Variants in KALRN observed in about 807,000 individuals in gnomAD.
The protein encoded by KALRN is kalirin RhoGEF kinase.
Under a neutral mutation model 353.7 loss-of-function variants are expected in KALRN, and 70 were observed. That is an observed-to-expected ratio of 0.20 (90% CI 0.16 to 0.24). The LOEUF (loss-of-function observed/expected upper bound fraction) is 0.24. Among genes scored for constraint, KALRN ranks in the 10% least tolerant of loss-of-function variants. The pLI is 1.00. For missense variants in KALRN, 2,791 were observed against 3,756.7 expected, an observed-to-expected ratio of 0.74 and a Z score of 6.72; for synonymous variants, 1,391 against 1,434.8, an observed-to-expected ratio of 0.97 and a Z score of 0.69.
At chr3:124,126,882 A>C (rs1411581050) in intron 1 of KALRN, among the ~76,000 whole-genome samples, 1 of 152,174 alleles carries the variant, frequency 6.6e-6, no homozygotes, top group South Asian at 2.1e-4. Flanking sequence ...CCACCCCTCA[A>C]TTATTCCCAT....
At chr3:124,607,974 C>T (rs2077528576) in intron 34 of KALRN, among the ~76,000 whole-genome samples, 1 of 150,848 alleles carries the variant, frequency 6.6e-6, no homozygotes, top group Non-Finnish European at 1.5e-5. Context: ...TAAGCATTTT[C>T]CTTCAGTTTT....
rs1324378976 is a variant in KALRN at position 124,676,846 on chromosome 3, A to G, written c.7194-1344A>G. ...GCTTCTATGGCTGGTTCTCACTTAT[A>G]CAACGGTTGGAGCAAGGTGCTGGTA... On this transcript the variant is annotated intron_variant, in intron 49 of 59. Transcript: ENST00000682506. 2.0e-5 allele frequency among the ~76,000 whole-genome samples: 3 copies of G among 152,166 alleles called. No homozygotes were observed. In the East Asian group the frequency reaches 5.8e-4, roughly 29 times the overall value.
intron 1 of KALRN, among the ~76,000 whole-genome samples, chr3:124,157,211 A>G (rs1050023941): frequency 2.6e-5 from 4 of 152,224 alleles, no homozygotes; most frequent in Non-Finnish European, 4.4e-5. Flanking sequence ...TAGGCCAGCA[A>G]TGTCATTCTA....
At chr3:124,302,262 A>G (rs1304074643) in intron 6 of KALRN, among the ~76,000 whole-genome samples, 1 of 152,252 alleles carries the variant, frequency 6.6e-6, no homozygotes, top group Non-Finnish European at 1.5e-5. Flanking sequence ...ATAGATGTTA[A>G]GTATATAATC....
intron 17 of KALRN, 37 bp downstream of exon 17, chr3:124,434,562 T>C: frequency 1.2e-6 from 2 of 1,600,092 alleles, no homozygotes; most frequent in Non-Finnish European, 1.7e-6. Flanking sequence ...GGGGCTGAGA[T>C]TGCCAGGGGG....
intron 56 of KALRN, 103 bp from the exon 57 acceptor site, chr3:124,701,935 C>T: frequency 1.2e-6 from 1 of 803,676 alleles, no homozygotes; most frequent in South Asian, 1.5e-5. Context: ...CATATTTGGT[C>T]ATGAGAATTG....
intron 21 of KALRN, among the ~76,000 whole-genome samples, chr3:124,454,207 A>T (rs1577062518): frequency 6.6e-6 from 1 of 152,230 alleles, no homozygotes; most frequent in Non-Finnish European, 1.5e-5. Context: ...CATTGTATTT[A>T]TTTAGATCCT....
chr3:124,288,348 G>A (rs2076133733), intron 5 of KALRN, among the ~76,000 whole-genome samples: 2 of 152,192 alleles, frequency 1.3e-5, no homozygotes, highest in African/African-American at 4.8e-5. Context: ...TGAAGGATGG[G>A]AATAATCTGG....
At chr3:124,230,828 A>C (rs1218036931) in intron 2 of KALRN, among the ~76,000 whole-genome samples, 1 of 147,480 alleles carries the variant, frequency 6.8e-6, no homozygotes, top group Non-Finnish European at 1.5e-5. Context: ...AAAAACAAAA[A>C]CAAAACAAAA....
intron 33 of KALRN, among the ~76,000 whole-genome samples, chr3:124,561,890 G>A (rs1454853153): frequency 3.3e-5 from 5 of 152,134 alleles, no homozygotes; most frequent in African/African-American, 9.7e-5. Context: ...ACTAATAACC[G>A]AATGGATTCT....
rs757199913 is a variant in KALRN at position 124,562,918 on chromosome 3, G to A, written c.5011G>A (p.Val1671Met). 7.3e-7 allele frequency: 1 copy of A among 1,367,916 alleles called. No homozygotes were observed. The highest frequency in any genetic ancestry group is 1.9e-5 in the Admixed American group (1 of 52,592). 84.7% of individuals were successfully genotyped at this position (1,367,916 alleles called of 1,614,324 possible). The change falls in exon 34 of 60, where the codon GTG becomes ATG. Residue 1671 changes from valine to methionine, a missense_variant. Transcript: ENST00000682506. ...AGHSSELTIQVGQTVELLERP... is the reference protein window; with the variant it reads ...AGHSSELTIQMGQTVELLERP... Reference sequence around the variant, plus strand: ...CCACAGCAGTGAGCTGACCATCCAGGTGGGGCAGACGGTAGAGCTGCTGGA... The same window carrying A: ...CCACAGCAGTGAGCTGACCATCCAGATGGGGCAGACGGTAGAGCTGCTGGA...
At chr3:124,443,544 C>T (rs1053614351) in intron 19 of KALRN, among the ~76,000 whole-genome samples, 1 of 152,144 alleles carries the variant, frequency 6.6e-6, no homozygotes, top group Admixed American at 6.5e-5. Flanking sequence ...GGTCAGGGGA[C>T]CTGTGGGGAG....
chr3:124,211,250 C>G (rs550071944), intron 1 of KALRN, among the ~76,000 whole-genome samples: 3 of 152,184 alleles, frequency 2.0e-5, no homozygotes, highest in Non-Finnish European at 4.4e-5. Flanking sequence ...ATGTTACTTA[C>G]ATTTTGCAGA....
intron 1 of KALRN, among the ~76,000 whole-genome samples, chr3:124,093,819 G>T (rs1417457702): frequency 6.6e-6 from 1 of 152,210 alleles, no homozygotes; most frequent in African/African-American, 2.4e-5. Context: ...CCTGGATTCT[G>T]TGGCATTTGA....
chr3:124,367,493 A>G (rs1404839067), intron 10 of KALRN, among the ~76,000 whole-genome samples: 59 of 58,274 alleles, frequency 1.0e-3, no homozygotes, highest in African/African-American at 1.6e-3. Context: ...CGGACGGGGC[A>G]GCTGGCCGGG....
intron 53 of KALRN, among the ~76,000 whole-genome samples, chr3:124,695,888 T>G (rs1467386429): frequency 6.6e-6 from 1 of 152,194 alleles, no homozygotes; most frequent in African/African-American, 2.4e-5. Context: ...TCTTATGTCA[T>G]TTTATTCCTT....
At chr3:124,063,413 C>T (rs950311287) in intron 1 of KALRN, among the ~76,000 whole-genome samples, 5 of 152,052 alleles carry the variant, frequency 3.3e-5, no homozygotes, top group Non-Finnish European at 5.9e-5. Context: ...GTGGTCTCCT[C>T]GGTGGAGGGG....
intron 57 of KALRN, among the ~76,000 whole-genome samples, chr3:124,711,207 C>T (rs952921920): frequency 5.3e-5 from 8 of 151,860 alleles, no homozygotes; most frequent in South Asian, 2.1e-4. Flanking sequence ...ATTTTTAAAG[C>T]GAAAGGATCT....
intron 1 of KALRN, among the ~76,000 whole-genome samples, chr3:124,158,673 C>T (rs1225892477): frequency 2.0e-5 from 3 of 152,166 alleles, no homozygotes; most frequent in Non-Finnish European, 1.5e-5. Flanking sequence ...AGCCAGGGTA[C>T]CCTCCTCCCC....
Sources: gnomAD v4.1 joint callset for allele counts (sites outside exome capture counted in the v4.1 genomes callset) on GRCh38, gnomAD v4.1.1 for gene constraint, MANE v1.5 for transcripts, NCBI Gene and HGNC (gene_info 2026-07-23, HGNC 2026-07-21) for gene names.